Variants in ATRNL1 observed in about 807,000 individuals in gnomAD.
ATRNL1 encodes attractin-like protein 1.
A neutral mutation model predicts 182.7 loss-of-function variants in ATRNL1; 95 were observed. The ratio of observed to expected loss-of-function variants is 0.52; its 90% CI spans 0.44 to 0.62. The LOEUF (loss-of-function observed/expected upper bound fraction) is 0.62. Among genes scored for constraint, ATRNL1 ranks in the 20% least tolerant of loss-of-function variants. The pLI is 0.00. For synonymous variants in ATRNL1, 576 were observed against 568.3 expected (o/e 1.01, Z -0.19); for missense variants, 1,471 against 1,679.5 (o/e 0.88, Z 2.17).
intron 28 of ATRNL1, among the ~76,000 whole-genome samples, chr10:115,904,223 C>G (rs1430639200): frequency 2.0e-5 from 3 of 152,186 alleles, no homozygotes; most frequent in Non-Finnish European, 4.4e-5. Flanking sequence ...CCAGGCTCAG[C>G]ATTGGTTGGC....
At chr10:115,559,277 T>G (rs1853519197) in intron 26 of ATRNL1, among the ~76,000 whole-genome samples, 1 of 152,206 alleles carries the variant, frequency 6.6e-6, no homozygotes, top group Admixed American at 6.5e-5. Flanking sequence ...ATTGCATTTG[T>G]TATTTTTAAA....
chr10:115,944,864 G>A lies in ATRNL1; in HGVS notation c.*85G>A. The A allele has an allele frequency of 6.8e-7, 1 of 1,462,032 alleles. No homozygotes were observed. The highest frequency in any genetic ancestry group is 1.5e-5 in the South Asian group (1 of 64,920). 90.6% of individuals were successfully genotyped at this position (1,462,032 alleles called of 1,614,324 possible). ...GTTCTATGGCCTTGGATTTTATGGAGGCAGATCTCTGTATCATCCAGAGCC... is the reference window on the plus strand; with the variant it reads ...GTTCTATGGCCTTGGATTTTATGGAAGCAGATCTCTGTATCATCCAGAGCC... On this transcript the variant is annotated 3_prime_UTR_variant, in exon 29 of 29. Transcript: ENST00000355044.
chr10:115,254,988 G>A (rs1375571096), intron 10 of ATRNL1, among the ~76,000 whole-genome samples: 1 of 152,100 alleles, frequency 6.6e-6, no homozygotes, highest in Non-Finnish European at 1.5e-5. Flanking sequence ...CTGTTCCATT[G>A]GTCTATATCT....
intron 21 of ATRNL1, among the ~76,000 whole-genome samples, chr10:115,450,650 C>G (rs1400736422): frequency 2.0e-5 from 3 of 152,086 alleles, no homozygotes; most frequent in Admixed American, 6.6e-5. Flanking sequence ...GGAAAAACAT[C>G]CAGACTCATG....
intron 5 of ATRNL1, among the ~76,000 whole-genome samples, chr10:115,143,724 CAG>C (rs142946817): frequency 1.7e-4 from 26 of 149,898 alleles, no homozygotes; most frequent in Admixed American, 2.0e-4. Context: ...AAGAGAGAGC[CAG>C]AGAGAGAGAG....
chr10:115,387,131 G>A (rs1222788307), intron 19 of ATRNL1, among the ~76,000 whole-genome samples: 1 of 151,884 alleles, frequency 6.6e-6, no homozygotes, highest in African/African-American at 2.4e-5. Context: ...CCTTTGTAGG[G>A]ACATGGATGA....
chr10:115,428,274 C>G (rs1554963332), intron 21 of ATRNL1, among the ~76,000 whole-genome samples: 1 of 152,060 alleles, frequency 6.6e-6, no homozygotes, highest in Non-Finnish European at 1.5e-5. Context: ...GCAAAAGTCA[C>G]ATTTTACTTC....
chr10:115,519,320 T>G lies in ATRNL1; in HGVS notation c.3712T>G (p.Phe1238Val), dbSNP rs1554984650. 1.2e-6 allele frequency: 2 copies of G among 1,611,248 alleles called. No individual in the cohort carries two copies. The highest frequency in any genetic ancestry group is 1.7e-5 in the Admixed American group (1 of 59,636). Residue 1238 changes from phenylalanine (F) to valine (V), a missense_variant, in exon 25 of 29, where the codon TTC (phenylalanine) becomes GTC (valine). By Grantham distance (50) the Phe-to-Val change is conservative. Transcript: ENST00000355044. ...CCTTGTGCAGTTTTTTGTCACCTTCTTCAGGTAAAAGTTTGCTTTGACTGA... is the reference window on the plus strand; with the variant it reads ...CCTTGTGCAGTTTTTTGTCACCTTCGTCAGGTAAAAGTTTGCTTTGACTGA... The part of the protein sequence containing the change: ...MDLVQFFVTF[F>V]SCFLSLLLVA...
At chr10:115,131,614 T>G (rs1342305106) in intron 5 of ATRNL1, among the ~76,000 whole-genome samples, 2 of 152,150 alleles carry the variant, frequency 1.3e-5, no homozygotes, top group Non-Finnish European at 2.9e-5. Flanking sequence ...TAGATTTGCT[T>G]CTAGGACAAA....
intron 22 of ATRNL1, 34 bp from the exon 23 acceptor site, chr10:115,467,140 C>G (rs138824865): frequency 7.8e-7 from 1 of 1,277,026 alleles, no homozygotes; most frequent in East Asian, 2.4e-5. Flanking sequence ...GTGTAATTTT[C>G]GTTTTTTAAC....
intron 27 of ATRNL1, among the ~76,000 whole-genome samples, chr10:115,778,372 A>T (rs1210414155): frequency 2.6e-5 from 4 of 152,246 alleles, no homozygotes; most frequent in African/African-American, 9.6e-5. Context: ...GTCAAATGCC[A>T]TTTAAAAAGA....
intron 26 of ATRNL1, among the ~76,000 whole-genome samples, chr10:115,554,566 T>C (rs1377448579): frequency 6.6e-6 from 1 of 151,584 alleles, no homozygotes; most frequent in African/African-American, 2.4e-5. Flanking sequence ...GAAAAAGATA[T>C]AGGCCCCATT....
At chr10:115,318,182 C>A (rs781924306) in intron 18 of ATRNL1, among the ~76,000 whole-genome samples, 2 of 151,928 alleles carry the variant, frequency 1.3e-5, no homozygotes, top group Non-Finnish European at 2.9e-5. Flanking sequence ...TCTGTTTATG[C>A]GAGGAGTTAC....
intron 21 of ATRNL1, among the ~76,000 whole-genome samples, chr10:115,459,831 G>A (rs941296340): frequency 2.6e-5 from 4 of 151,988 alleles, no homozygotes; most frequent in African/African-American, 4.8e-5. Flanking sequence ...TCCTACCAAC[G>A]TGTGATGTCT....
chr10:115,115,760 A>C (rs552784167), intron 1 of ATRNL1, among the ~76,000 whole-genome samples: 1 of 152,208 alleles, frequency 6.6e-6, no homozygotes, highest in African/African-American at 2.4e-5. Context: ...AGATTTCGTA[A>C]ATTAAAACTA....
chr10:115,395,963 A>G (rs1177599957), intron 20 of ATRNL1, among the ~76,000 whole-genome samples: 1 of 151,836 alleles, frequency 6.6e-6, no homozygotes, highest in African/African-American at 2.4e-5. Flanking sequence ...ACAGAAACAT[A>G]GGGAAAGTTT....
At chr10:115,943,514 GACA>G (rs1953790266) in intron 28 of ATRNL1, among the ~76,000 whole-genome samples, 1 of 151,820 alleles carries the variant, frequency 6.6e-6, no homozygotes, top group South Asian at 2.1e-4. Flanking sequence ...CTAAAACACT[GACA>G]ACAACAAATG....
intron 3 of ATRNL1, among the ~76,000 whole-genome samples, chr10:115,124,638 T>C (rs1294744997): frequency 2.6e-5 from 4 of 152,218 alleles, no homozygotes; most frequent in African/African-American, 9.6e-5. Flanking sequence ...CCCAACATTT[T>C]AATCACATGG....
At chr10:115,369,178 A>AAT in intron 19 of ATRNL1, among the ~76,000 whole-genome samples, 1 of 151,560 alleles carries the variant, frequency 6.6e-6, no homozygotes, top group South Asian at 2.1e-4. Context: ...TTCATTTTTA[A>AAT]ATATATATAT....
Sources: gnomAD v4.1 joint callset for allele counts (sites outside exome capture counted in the v4.1 genomes callset) on GRCh38, gnomAD v4.1.1 for gene constraint, MANE v1.5 for transcripts, NCBI Gene and HGNC (gene_info 2026-07-23, HGNC 2026-07-21) for gene names.